Variants in PRKAG2 observed in about 807,000 individuals in gnomAD.
PRKAG2 encodes 5'-AMP-activated protein kinase subunit gamma-2.
Under a neutral mutation model 69.6 loss-of-function variants are expected in PRKAG2, and 26 were observed. That is an observed-to-expected ratio of 0.37 (90% CI 0.27 to 0.52). The LOEUF (loss-of-function observed/expected upper bound fraction) is 0.52. Among genes scored for constraint, PRKAG2 ranks in the 20% least tolerant of loss-of-function variants. The pLI, the probability that PRKAG2 is intolerant of heterozygous loss-of-function variation, is 0.90. For missense variants in PRKAG2, 557 were observed against 740.0 expected (o/e 0.75, Z 2.87); for synonymous variants, 293 against 285.0 (o/e 1.03, Z -0.28).
At chr7:151,559,541 G>GA in intron 15 of PRKAG2, 1 of 983,448 alleles carries the variant, frequency 1.0e-6, no homozygotes, top group Non-Finnish European at 1.2e-6. Flanking sequence ...GACCACCTCG[G>GA]AAAAATCACT....
intron 1 of PRKAG2, among the ~76,000 whole-genome samples, chr7:151,846,234 G>C (rs552787865): frequency 2.4e-4 from 37 of 152,244 alleles, no homozygotes; most frequent in Middle Eastern, 3.4e-3. Context: ...CAGCACTTTG[G>C]GGGTGGGCAG....
At chr7:151,710,439 A>C (rs1033191704) in intron 3 of PRKAG2, among the ~76,000 whole-genome samples, 1 of 152,012 alleles carries the variant, frequency 6.6e-6, no homozygotes, top group South Asian at 2.1e-4. Context: ...GGCCACATGA[A>C]CCTTCGTGGG....
intron 6 of PRKAG2, among the ~76,000 whole-genome samples, chr7:151,588,649 C>A (rs540779904): frequency 1.3e-5 from 2 of 152,180 alleles, no homozygotes; most frequent in African/African-American, 4.8e-5. Context: ...CGTGAGACAC[C>A]GCACCCAGCG....
Position 151,746,662 on chromosome 7 carries a change from G to C in PRKAG2, c.466+34490C>G, listed in dbSNP as rs142966114. The stretch of plus-strand genomic sequence containing the variant: ...GAAAGGACCTCGCGTGAACAGCTGC[G>C]GAAAGCCTGGGTGAGGACTGAAGGC... On this transcript the variant is annotated intron_variant, in intron 3 of 15. Coordinates refer to ENST00000287878, the MANE Select transcript of PRKAG2 (RefSeq NM_016203.4). Among the ~76,000 whole-genome samples, 339 of 152,324 alleles carry C rather than the reference G, an allele frequency of 2.2e-3. 3 individuals carry two copies. The highest frequency in any genetic ancestry group is 7.8e-3 in the African/African-American group (323 of 41,574).
intron 4 of PRKAG2, among the ~76,000 whole-genome samples, chr7:151,664,687 G>A (rs1830782043): frequency 6.6e-6 from 1 of 152,192 alleles, no homozygotes; most frequent in South Asian, 2.1e-4. Flanking sequence ...TATTGACATT[G>A]CCAGCCCAAG....
At chr7:151,641,892 A>G (rs1826765061) in intron 4 of PRKAG2, among the ~76,000 whole-genome samples, 1 of 151,980 alleles carries the variant, frequency 6.6e-6, no homozygotes, top group South Asian at 2.1e-4. Context: ...TATATATTCA[A>G]CACTATGAGT....
intron 8 of PRKAG2, among the ~76,000 whole-genome samples, chr7:151,573,871 T>C (rs933282734): frequency 5.3e-5 from 8 of 152,118 alleles, no homozygotes; most frequent in African/African-American, 1.9e-4. Flanking sequence ...CTCCGCCTCC[T>C]GGGTTCAAGC....
intron 3 of PRKAG2, among the ~76,000 whole-genome samples, chr7:151,742,992 G>A (rs1472944463): frequency 2.0e-5 from 3 of 152,138 alleles, no homozygotes; most frequent in Non-Finnish European, 4.4e-5. Context: ...ATACGTGGGC[G>A]GGGGAAAGTT....
At chr7:151,566,186 T>C (rs1806222067) in intron 11 of PRKAG2, among the ~76,000 whole-genome samples, 1 of 152,166 alleles carries the variant, frequency 6.6e-6, no homozygotes. Flanking sequence ...GAAGAACAGG[T>C]CTATTTGGGA....
At chr7:151,773,065 G>GGGAC (rs2076146053) in intron 3 of PRKAG2, among the ~76,000 whole-genome samples, 1 of 58,466 alleles carries the variant, frequency 1.7e-5, no homozygotes, top group Non-Finnish European at 3.5e-5. Context: ...GAGGGAGGGA[G>GGGAC]GGAGGGAGGG....
At chr7:151,874,086 TATATG>T in intron 1 of PRKAG2, among the ~76,000 whole-genome samples, 1 of 143,086 alleles carries the variant, frequency 7.0e-6, no homozygotes, top group African/African-American at 2.6e-5. Flanking sequence ...TATGTATATG[TATATG>T]ATGTATATGT....
At chr7:151,691,170 T>C (rs956225877) in intron 3 of PRKAG2, among the ~76,000 whole-genome samples, 10 of 152,208 alleles carry the variant, frequency 6.6e-5, no homozygotes, top group Non-Finnish European at 8.8e-5. Flanking sequence ...AATACGTGCA[T>C]ATGACCTATA....
At chr7:151,628,492 C>T (rs951750646) in intron 5 of PRKAG2, among the ~76,000 whole-genome samples, 6 of 152,158 alleles carry the variant, frequency 3.9e-5, no homozygotes, top group African/African-American at 1.4e-4. Context: ...GCCGGCAGAT[C>T]ACTTGAGCCC....
intron 15 of PRKAG2, chr7:151,558,286 C>T (rs916231107): frequency 4.1e-6 from 4 of 985,460 alleles, no homozygotes; most frequent in Non-Finnish European, 4.8e-6. Context: ...ACCTTCTAAT[C>T]GAGTAACAGC....
intron 3 of PRKAG2, among the ~76,000 whole-genome samples, chr7:151,722,162 T>A (rs1797221289): frequency 6.6e-6 from 1 of 152,182 alleles, no homozygotes; most frequent in South Asian, 2.1e-4. Flanking sequence ...GCTCTCTCAT[T>A]TACCCCCAGA....
chr7:151,732,020 AAGG>A (rs1468268295), intron 3 of PRKAG2, among the ~76,000 whole-genome samples: 16 of 152,132 alleles, frequency 1.1e-4, no homozygotes, highest in East Asian at 9.7e-4. Context: ...TTTTGTAGAG[AAGG>A]AGTTTTGCCA....
intron 3 of PRKAG2, among the ~76,000 whole-genome samples, chr7:151,728,682 T>C (rs1798401459): frequency 6.6e-6 from 1 of 152,214 alleles, no homozygotes; most frequent in Non-Finnish European, 1.5e-5. Flanking sequence ...GTTTGTCCAG[T>C]GTTCAGCTTC....
rs1051012004 is a variant in PRKAG2, at chr7:151,814,744, A to C, written c.115-28203T>G. On this transcript the variant is annotated intron_variant, in intron 1 of 15. Coordinates refer to ENST00000287878, the MANE Select transcript of PRKAG2 (RefSeq NM_016203.4). The surrounding 1 kb of genome is among the most constrained non-coding windows in gnomAD (Gnocchi z 4.8). ...TGGGCTGGCCTAAGACAGCGCAGGC[A>C]ACGGTCTTGGTGGCTGGAGCTGCTT... 2.2e-5 allele frequency: 26 copies of C among 1,201,754 alleles called. No homozygotes were observed. Among genetic ancestry groups the C allele is most frequent in the Non-Finnish European group, 2.6e-5 (25 of 960,958 alleles). The allele number at this position is 1,201,754 out of a possible 1,614,324, so 74.4% of individuals were successfully genotyped here. A position where few individuals can be genotyped will look rare whatever the true frequency, so the allele number is the denominator to read the frequency against.
intron 14 of PRKAG2, among the ~76,000 whole-genome samples, chr7:151,561,659 G>A (rs895727011): frequency 2.6e-5 from 4 of 152,230 alleles, no homozygotes; most frequent in African/African-American, 9.6e-5. Context: ...ATGGCCGGGC[G>A]CGATGGCTCA....
Sources: gnomAD v4.1 joint callset for allele counts (sites outside exome capture counted in the v4.1 genomes callset) on GRCh38, gnomAD v4.1.1 for gene constraint, Gnocchi (gnomAD v3.1) non-coding constraint, MANE v1.5 for transcripts, NCBI Gene and HGNC (gene_info 2026-07-23, HGNC 2026-07-21) for gene names.